PPP1R12C: variants seen among roughly 807,000 people sequenced by gnomAD.
The protein encoded by PPP1R12C is protein phosphatase 1 regulatory subunit 12C.
Under a neutral mutation model 95.6 loss-of-function variants are expected in PPP1R12C, and 48 were observed. The observed-to-expected ratio is 0.50, with a 90% CI of 0.40 to 0.64. The LOEUF is 0.64. PPP1R12C is among the 30% of genes least tolerant of loss of function. The probability of loss-of-function intolerance (pLI) is 0.00; values close to 1 mark genes in which losing one functional copy is unlikely to be tolerated. For synonymous variants in PPP1R12C, 480 were observed against 460.8 expected, an observed-to-expected ratio of 1.04 and a Z score of -0.53; for missense variants, 1,057 against 1,083.3, an observed-to-expected ratio of 0.98 and a Z score of 0.34.
At chr19:55,101,784 T>C (rs918324935) in intron 4 of PPP1R12C, among the ~76,000 whole-genome samples, 3 of 152,104 alleles carry the variant, frequency 2.0e-5, no homozygotes, top group African/African-American at 7.2e-5. Context: ...AGCTGGGACT[T>C]GGCCAGACAC....
intron 3 of PPP1R12C, among the ~76,000 whole-genome samples, chr19:55,107,102 C>G (rs2085046408): frequency 6.6e-6 from 1 of 151,628 alleles, no homozygotes; most frequent in Admixed American, 6.6e-5. Flanking sequence ...CTACATAAGG[C>G]CATAGACTGC....
Position 55,091,839 on chromosome 19 carries a change from T to A in PPP1R12C, c.2211+20A>T. On this transcript the variant is annotated intron_variant, in intron 20 of 21. Coordinates refer to ENST00000263433, the MANE Select transcript of PPP1R12C (RefSeq NM_017607.4). The stretch of plus-strand genomic sequence containing the variant: ...AGGCTGGGGACGCCTCTGGCCCCCA[T>A]CCCCACTGCCCCTACTCACGAATCT... 6.2e-7 allele frequency: 1 copy of A among 1,613,280 alleles called. No homozygotes were observed. The highest frequency in any genetic ancestry group is 8.5e-7 in the Non-Finnish European group (1 of 1,179,866).
intron 1 of PPP1R12C, among the ~76,000 whole-genome samples, chr19:55,116,797 C>T (rs916498680): frequency 6.6e-6 from 1 of 151,878 alleles, no homozygotes; most frequent in Non-Finnish European, 1.5e-5. Flanking sequence ...CAGGAGAGGG[C>T]AGGGCAGGGA....
intron 3 of PPP1R12C, among the ~76,000 whole-genome samples, chr19:55,104,339 C>A (rs554459827): frequency 1.4e-4 from 21 of 149,298 alleles, no homozygotes; most frequent in South Asian, 1.3e-3. Context: ...ATATATATAT[C>A]TCTCCTATAT....
intron 17 of PPP1R12C, 24 bp downstream of exon 17, chr19:55,092,598 C>A: frequency 6.5e-7 from 1 of 1,541,700 alleles, no homozygotes; most frequent in Non-Finnish European, 8.7e-7. Context: ...CACGCAGACC[C>A]CACCTCTCCC....
intron 9 of PPP1R12C, 125 bp downstream of exon 9, chr19:55,095,742 G>A: frequency 6.6e-7 from 1 of 1,518,006 alleles, no homozygotes; most frequent in Non-Finnish European, 9.1e-7. Flanking sequence ...GAAGCCGGTT[G>A]TCCAGGACGA....
chr19:55,101,230 G>C (rs949724178), intron 4 of PPP1R12C, among the ~76,000 whole-genome samples: 1 of 152,086 alleles, frequency 6.6e-6, no homozygotes, highest in African/African-American at 2.4e-5. Flanking sequence ...CCTGGCAACA[G>C]AGCGAGACTC....
At chr19:55,113,654 C>T (rs1479270272) in intron 1 of PPP1R12C, 1 of 1,211,292 alleles carries the variant, frequency 8.3e-7, no homozygotes, top group Non-Finnish European at 1.0e-6. Flanking sequence ...ATAAATTACC[C>T]CCCAAGTCCC....
At chr19:55,104,199 T>TATATATATATATATATAC (rs34075382) in intron 3 of PPP1R12C, among the ~76,000 whole-genome samples, 40 of 120,034 alleles carry the variant, frequency 3.3e-4, no homozygotes, top group African/African-American at 1.4e-3. Context: ...TATATATATA[T>TATATATATATATATATAC]ACACACACAC....
Position 55,091,072 on chromosome 19 carries a change from A to T in PPP1R12C, c.*400T>A. The T allele has an allele frequency of 3.8e-6, 1 of 262,158 alleles. No homozygotes were observed. The highest frequency in any genetic ancestry group is 7.5e-6 in the Non-Finnish European group (1 of 133,936). The allele number at this position is 262,158 out of a possible 1,614,324, so 16.2% of individuals were successfully genotyped here. A position where few individuals can be genotyped will look rare whatever the true frequency, so the allele number is the denominator to read the frequency against. Reference sequence around the variant, plus strand: ...CCCTATATACAGGCCCACCTGGCTGAGGCTGGCGGGACTCTTGGCACATTC... The same window carrying T: ...CCCTATATACAGGCCCACCTGGCTGTGGCTGGCGGGACTCTTGGCACATTC... On this transcript the variant is annotated 3_prime_UTR_variant, in exon 22 of 22. Coordinates refer to ENST00000263433, the MANE Select transcript of PPP1R12C (RefSeq NM_017607.4).
In PPP1R12C at chr19:55,094,664, C is replaced by G; in HGVS notation, c.1589G>C (p.Arg530Pro). 2 of 1,588,634 alleles carry G rather than the reference C, an allele frequency of 1.3e-6. No homozygotes were observed. The highest frequency in any genetic ancestry group is 1.7e-6 in the Non-Finnish European group (2 of 1,171,398). Reference sequence around the variant, plus strand: ...CTTCCTGCCCTGGCCTCTTCACCTCCGTCGGTCCCGGGAGTCCGCTGGGGG... The same window carrying G: ...CTTCCTGCCCTGGCCTCTTCACCTCGGTCGGTCCCGGGAGTCCGCTGGGGG... ...TAPPADSRDRRRSYQMPVRDE... is the reference protein window; with the variant it reads ...TAPPADSRDRPRSYQMPVRDE... Residue 530 changes from arginine (R) to proline (P), a missense_variant, in exon 12 of 22, where the codon CGG (arginine) becomes CCG (proline). Transcript: ENST00000263433.
rs1298255602 is a variant in PPP1R12C, at chr19:55,091,058, G to GCACA, written c.*413_*414insTGTG. 14 of 256,198 alleles carry GCACA rather than the reference G, an allele frequency of 5.5e-5. No individual in the cohort carries two copies. Among genetic ancestry groups the GCACA allele is most frequent in the Non-Finnish European group, 1.0e-4 (13 of 130,192 alleles). 15.9% of individuals were successfully genotyped at this position (256,198 alleles called of 1,614,324 possible). A position where few individuals can be genotyped will look rare whatever the true frequency, so the allele number is the denominator to read the frequency against. ...CTATTGCACATGGACCCTATATACA[G>GCACA]GCCCACCTGGCTGAGGCTGGCGGGA... On this transcript the variant is annotated 3_prime_UTR_variant, in exon 22 of 22. Transcript: ENST00000263433.
chr19:55,092,378 G>A lies in PPP1R12C; in HGVS notation c.2056-52C>T, dbSNP rs572853873. 1.0e-5 allele frequency: 16 copies of A among 1,567,560 alleles called. No homozygotes were observed. In the South Asian group the frequency reaches 1.2e-4, roughly 11 times the overall value. Reference sequence around the variant, plus strand: ...GTGGAGGATGGGGCGATGCTGGGGGGGCGGGGAAGCCAGGAAGCTGGGCAC... The same window carrying A: ...GTGGAGGATGGGGCGATGCTGGGGGAGCGGGGAAGCCAGGAAGCTGGGCAC... On this transcript the variant is annotated intron_variant, in intron 18 of 21. Transcript: ENST00000263433.
rs1044846252 is a variant in PPP1R12C at position 55,091,991 on chromosome 19, C to T, written c.2161-82G>A. 8 of 1,527,096 alleles carry T rather than the reference C, an allele frequency of 5.2e-6. No individual in the cohort carries two copies. In the African/African-American group the frequency reaches 1.1e-4, roughly 21 times the overall value. 94.6% of individuals were successfully genotyped at this position (1,527,096 alleles called of 1,614,324 possible). On this transcript the variant is annotated intron_variant, in intron 19 of 21. Transcript: ENST00000263433. ...GGGTCCTAGGCTCCTGCTGGGCACC[C>T]GCCCGCCCACTAGGCAGCCCACAAG...
chr19:55,103,995 C>CAA lies in PPP1R12C; in HGVS notation c.572-429_572-428dup, dbSNP rs35207330. On this transcript the variant is annotated intron_variant, in intron 3 of 21. Coordinates refer to ENST00000263433, the MANE Select transcript of PPP1R12C (RefSeq NM_017607.4). Reference sequence around the variant, plus strand: ...TGAAACCCCATCTCTACTAAAACTACAAAAAAAAAAAAAAAAATTTAGCCA... The same window carrying CAA: ...TGAAACCCCATCTCTACTAAAACTACAAAAAAAAAAAAAAAAAAATTTAGCCA... Among the ~76,000 whole-genome samples, 445 of 118,660 alleles carry CAA rather than the reference C, an allele frequency of 3.8e-3. 3 individuals carry two copies. Among genetic ancestry groups the CAA allele is most frequent in the South Asian group, 0.013 (44 of 3,468 alleles). The allele number at this position is 118,660 out of a possible 152,430, so 77.8% of individuals were successfully genotyped here.
At chr19:55,098,704 G>C in intron 6 of PPP1R12C, 80 bp downstream of exon 6, 1 of 1,551,486 alleles carries the variant, frequency 6.4e-7, no homozygotes, top group Non-Finnish European at 8.9e-7. Context: ...AAGTCGGGGG[G>C]GTTCCCCCTC....
At chr19:55,098,926 C>T (rs2084951869) in intron 5 of PPP1R12C, 25 bp downstream of exon 5, 3 of 1,600,934 alleles carry the variant, frequency 1.9e-6, no homozygotes, top group Admixed American at 1.7e-5. Flanking sequence ...CCCTGCCCCT[C>T]ACCAGCCTGG....
intron 7 of PPP1R12C, 40 bp from the exon 8 acceptor site, chr19:55,096,218 G>T (rs201127976): frequency 4.9e-5 from 79 of 1,613,226 alleles, no homozygotes; most frequent in Non-Finnish European, 6.2e-5. Context: ...CAAGCCCGGG[G>T]CCTCCAGCCA....
Position 55,095,362 on chromosome 19 carries a change from T to C in PPP1R12C, c.1387-4A>G, listed in dbSNP as rs994024431. 2 of 1,588,736 alleles carry C rather than the reference T, an allele frequency of 1.3e-6. No individual in the cohort carries two copies. Among genetic ancestry groups the C allele is most frequent in the Non-Finnish European group, 1.7e-6 (2 of 1,167,834 alleles). ...TGGCAAGACGGAGCTCCTTGGCCTG[T>C]GTGGAGAGGAGAAGGGGAGGAAGGG... On this transcript the variant is annotated splice_polypyrimidine_tract_variant and splice_region_variant and intron_variant, in intron 10 of 21. Coordinates refer to ENST00000263433, the MANE Select transcript of PPP1R12C (RefSeq NM_017607.4).
Sources: gnomAD v4.1 joint callset for allele counts (sites outside exome capture counted in the v4.1 genomes callset) on GRCh38, gnomAD v4.1.1 for gene constraint, MANE v1.5 for transcripts, NCBI Gene and HGNC (gene_info 2026-07-23, HGNC 2026-07-21) for gene names.